The following CNTN6 variants were observed in gnomAD, a reference collection of about 807,000 sequenced individuals.
CNTN6 encodes contactin 6, also known as contactin-6.
Under a neutral mutation model 122.8 loss-of-function variants are expected in CNTN6, and 137 were observed. That is an observed-to-expected ratio of 1.12 (90% CI 0.97 to 1.29). CNTN6 has a LOEUF of 1.29. Among genes scored for constraint, CNTN6 ranks in the 50% most tolerant of loss-of-function variants. The pLI, the probability that CNTN6 is intolerant of heterozygous loss-of-function variation, is 0.00. For missense variants in CNTN6, 1,634 were observed against 1,223.4 expected, an observed-to-expected ratio of 1.34 and a Z score of -5.01; for synonymous variants, 570 against 426.0, an observed-to-expected ratio of 1.34 and a Z score of -4.16.
intron 20 of CNTN6, among the ~76,000 whole-genome samples, chr3:1,390,023 T>A (rs1233133345): frequency 1.3e-5 from 2 of 151,682 alleles, no homozygotes; most frequent in East Asian, 3.9e-4. Flanking sequence ...TCAACAAGGA[T>A]ACCCAGGAAT....
intron 11 of CNTN6, among the ~76,000 whole-genome samples, chr3:1,345,242 G>A (rs1478921026): frequency 6.6e-6 from 1 of 151,602 alleles, no homozygotes; most frequent in Non-Finnish European, 1.5e-5. Flanking sequence ...TCAGCCTCCT[G>A]AGTAGCTGAA....
At chr3:1,398,203 T>C (rs1560042002) in intron 20 of CNTN6, among the ~76,000 whole-genome samples, 1 of 152,178 alleles carries the variant, frequency 6.6e-6, no homozygotes, top group Non-Finnish European at 1.5e-5. Flanking sequence ...TTATCATAGA[T>C]ATTTGCAATC....
intron 4 of CNTN6, among the ~76,000 whole-genome samples, chr3:1,256,616 T>A (rs2094763334): frequency 1.3e-5 from 2 of 152,098 alleles, no homozygotes; most frequent in Non-Finnish European, 2.9e-5. Context: ...CTTGAAGCCT[T>A]GGGAGTAGTT....
At chr3:1,323,354 G>A (rs1701119437) in intron 8 of CNTN6, among the ~76,000 whole-genome samples, 1 of 151,734 alleles carries the variant, frequency 6.6e-6, no homozygotes. Context: ...CAACATGGTG[G>A]TCTAAGCTCA....
chr3:1,383,820 G>A (rs544956732), intron 19 of CNTN6, among the ~76,000 whole-genome samples: 1 of 152,290 alleles, frequency 6.6e-6, no homozygotes, highest in Middle Eastern at 3.4e-3. Context: ...AAATTAATGG[G>A]TGAGTTAGTT....
At chr3:1,348,567 C>T (rs1264554070) in intron 11 of CNTN6, among the ~76,000 whole-genome samples, 7 of 151,688 alleles carry the variant, frequency 4.6e-5, no homozygotes, top group Non-Finnish European at 1.0e-4. Flanking sequence ...TCATTCTATG[C>T]AAATAAAATT....
chr3:1,245,243 C>CATATATATATATATA (rs1237045524), intron 4 of CNTN6, among the ~76,000 whole-genome samples: 1 of 10,902 alleles, frequency 9.2e-5, no homozygotes. Context: ...TATACACACA[C>CATATATATATATATA]ACATATATAT....
chr3:1,285,062 A>G (rs1694105998), intron 5 of CNTN6, among the ~76,000 whole-genome samples: 1 of 152,198 alleles, frequency 6.6e-6, no homozygotes, highest in African/African-American at 2.4e-5. Flanking sequence ...TTTACTCTGG[A>G]TAGTAGACCA....
chr3:1,216,482 T>G (rs111817621), intron 2 of CNTN6, among the ~76,000 whole-genome samples: 90 of 152,232 alleles, frequency 5.9e-4, no homozygotes, highest in Admixed American at 3.3e-4. Flanking sequence ...CTGTTATTTG[T>G]ACTTACAACG....
At chr3:1,103,428 T>C (rs999929606) in intron 1 of CNTN6, among the ~76,000 whole-genome samples, 1 of 152,230 alleles carries the variant, frequency 6.6e-6, no homozygotes, top group Non-Finnish European at 1.5e-5. Flanking sequence ...TTGTGCAGAC[T>C]GTGCCTATGC....
Position 1,373,696 on chromosome 3 carries a change from C to G in CNTN6, c.1879C>G (p.Pro627Ala), listed in dbSNP as rs371615844. Residue 627 changes from proline (P) to alanine (A), a missense_variant, in exon 15 of 23, where the codon CCC becomes GCC. Pro to Ala is a conservative substitution (Grantham distance 27). Transcript: ENST00000446702. ...SWRAGPDNNS[P>A]IQIFTIQTRT... ...GAGAGCAGGCCCAGATAATAACAGT[C>G]CCATTCAAATATTTACTATTCAGAC... The G allele has an allele frequency of 6.2e-7, 1 of 1,613,010 alleles. No individual in the cohort carries two copies. The highest frequency in any genetic ancestry group is 8.5e-7 in the Non-Finnish European group (1 of 1,179,338).
intron 4 of CNTN6, among the ~76,000 whole-genome samples, chr3:1,246,790 T>C (rs1368827021): frequency 6.6e-6 from 1 of 152,164 alleles, no homozygotes; most frequent in Non-Finnish European, 1.5e-5. Context: ...TTGGGCACTT[T>C]TTAAAATTAT....
At chr3:1,142,968 G>GTATATATATATATATATATATATA (rs3043051) in intron 1 of CNTN6, among the ~76,000 whole-genome samples, 4 of 128,660 alleles carry the variant, frequency 3.1e-5, no homozygotes, top group East Asian at 2.2e-4. Context: ...GTGTGTGTGT[G>GTATATATATATATATATATATATA]TATATATATA....
intron 2 of CNTN6, among the ~76,000 whole-genome samples, chr3:1,196,080 AT>A (rs1336498655): frequency 6.6e-6 from 1 of 152,138 alleles, no homozygotes; most frequent in African/African-American, 2.4e-5. Context: ...AACTAGACTA[AT>A]TTGCTTGTGG....
chr3:1,181,314 A>C (rs1262297378), intron 2 of CNTN6, among the ~76,000 whole-genome samples: 1 of 152,152 alleles, frequency 6.6e-6, no homozygotes, highest in Non-Finnish European at 1.5e-5. Context: ...AAGGGGGAAA[A>C]ATCCTGAGGT....
In CNTN6 at chr3:1,239,525, G is replaced by A. The variant is rs551174028; in HGVS notation, c.358+11532G>A. ...AACACTGCTGAAAGAAATCATAGAT[G>A]ACACAAACAAATAGAAACACATCCC... On this transcript the variant is annotated intron_variant, in intron 4 of 22. Transcript: ENST00000446702. 3.3e-4 allele frequency among the ~76,000 whole-genome samples: 51 copies of A among 152,258 alleles called. 1 individual carries two copies. In the South Asian group the frequency reaches 9.1e-3, roughly 27 times the overall value.
intron 4 of CNTN6, among the ~76,000 whole-genome samples, chr3:1,247,607 G>C (rs919402260): frequency 6.6e-6 from 1 of 152,130 alleles, no homozygotes; most frequent in Non-Finnish European, 1.5e-5. Context: ...GCAAAGAGCG[G>C]TACATATCTT....
At chr3:1,377,789 G>A (rs568883600) in intron 17 of CNTN6, among the ~76,000 whole-genome samples, 1 of 152,116 alleles carries the variant, frequency 6.6e-6, no homozygotes, top group Admixed American at 6.5e-5. Context: ...GGATTCTCCA[G>A]AGCTGTAGAA....
At chr3:1,251,332 T>C (rs1485459621) in intron 4 of CNTN6, among the ~76,000 whole-genome samples, 2 of 152,186 alleles carry the variant, frequency 1.3e-5, no homozygotes, top group Non-Finnish European at 2.9e-5. Flanking sequence ...CTCCAGTCCA[T>C]GGACTCCAGC....
Sources: allele counts gnomAD v4.1 joint callset (sites outside exome capture counted in the v4.1 genomes callset), GRCh38; gene constraint gnomAD v4.1.1; transcripts MANE v1.5; gene names NCBI Gene and HGNC (gene_info 2026-07-23, HGNC 2026-07-21).